ZSCAN5A: variants seen among roughly 807,000 people sequenced by gnomAD.
ZSCAN5A encodes zinc finger and SCAN domain-containing protein 5A.
In ZSCAN5A, 12 loss-of-function variants were observed where a neutral mutation model predicts 23.7. That is an observed-to-expected ratio of 0.51 (90% CI 0.32 to 0.82). The LOEUF is 0.82. ZSCAN5A is among the 40% of genes least tolerant of loss of function. ZSCAN5A has a pLI of 0.03. For synonymous variants in ZSCAN5A, 257 were observed against 239.9 expected (o/e 1.07, Z -0.66); for missense variants, 597 against 617.9 (o/e 0.97, Z 0.36).
At chr19:56,260,825 A>G (rs2037074376) in intron 2 of ZSCAN5A, among the ~76,000 whole-genome samples, 1 of 152,190 alleles carries the variant, frequency 6.6e-6, no homozygotes, top group Non-Finnish European at 1.5e-5. Flanking sequence ...TTTAATTTAT[A>G]AACATTTGGA....
At chr19:56,243,280 G>A (rs747996284) in intron 2 of ZSCAN5A, among the ~76,000 whole-genome samples, 1 of 152,192 alleles carries the variant, frequency 6.6e-6, no homozygotes, top group African/African-American at 2.4e-5. Context: ...AGACAATTCT[G>A]GAGCTAGACA....
At chr19:56,356,242 C>T (rs2041699706) in intron 2 of ZSCAN5A, among the ~76,000 whole-genome samples, 1 of 148,316 alleles carries the variant, frequency 6.7e-6, no homozygotes, top group Non-Finnish European at 1.5e-5. Flanking sequence ...GTAGGACTAG[C>T]GTCCAGGAAA....
intron 2 of ZSCAN5A, among the ~76,000 whole-genome samples, chr19:56,230,495 T>C (rs979007247): frequency 3.0e-4 from 45 of 152,300 alleles, no homozygotes; most frequent in African/African-American, 1.1e-3. Flanking sequence ...CTCACATAGA[T>C]ACCATGTTCT....
intron 2 of ZSCAN5A, among the ~76,000 whole-genome samples, chr19:56,251,889 T>A (rs1383958754): frequency 2.0e-5 from 3 of 152,132 alleles, no homozygotes; most frequent in Non-Finnish European, 2.9e-5. Context: ...ATTTTTAAAG[T>A]GTGGTAATAT....
chr19:56,343,519 C>G (rs1178253562), intron 2 of ZSCAN5A: 3 of 401,654 alleles, frequency 7.5e-6, no homozygotes, highest in Admixed American at 6.3e-5. Flanking sequence ...AGAAGCTGCT[C>G]TAAGTGTATT....
At chr19:56,361,893 C>T (rs975575016) in intron 2 of ZSCAN5A, among the ~76,000 whole-genome samples, 4 of 152,122 alleles carry the variant, frequency 2.6e-5, no homozygotes, top group Admixed American at 6.6e-5. Flanking sequence ...TGCGGTGGCT[C>T]ACACCTGTAA....
Position 56,314,823 on chromosome 19 carries a change from C to G in ZSCAN5A, c.-372G>C, listed in dbSNP as rs1027091301. ...GAGAGCGGGACGCCTGGATCGGGAACTTGTCGCATTCACATTGGCTGCTAG... is the reference window on the plus strand; with the variant it reads ...GAGAGCGGGACGCCTGGATCGGGAAGTTGTCGCATTCACATTGGCTGCTAG... On this transcript the variant is annotated 5_prime_UTR_variant, in exon 1 of 6. Coordinates refer to ENST00000683990, the MANE Select transcript of ZSCAN5A (RefSeq NM_001322064.3). The G allele has an allele frequency of 1.3e-5, 2 of 152,268 alleles. No individual in the cohort carries two copies. Among genetic ancestry groups the G allele is most frequent in the Non-Finnish European group, 2.9e-5 (2 of 68,086 alleles). 9.4% of individuals were successfully genotyped at this position (152,268 alleles called of 1,614,324 possible).
rs2041380327 is a variant in ZSCAN5A, at chr19:56,321,935, A to G, written c.-357-5667T>C. 7 of 781,204 alleles carry G rather than the reference A, an allele frequency of 9.0e-6. No homozygotes were observed. The Middle Eastern group carries it at 6.8e-4, about 76-fold the overall frequency. 48.4% of individuals were successfully genotyped at this position (781,204 alleles called of 1,614,324 possible). On this transcript the variant is annotated intron_variant, in intron 2 of 6. Coordinates refer to the ZSCAN5A transcript ENST00000587340. Reference sequence around the variant, plus strand: ...GTACTGCTCAATATCCAACTTCATCATGGCCTTCTGAAGATATCTCACACC... The same window carrying G: ...GTACTGCTCAATATCCAACTTCATCGTGGCCTTCTGAAGATATCTCACACC...
intron 2 of ZSCAN5A, among the ~76,000 whole-genome samples, chr19:56,261,548 G>T (rs144514544): frequency 1.3e-4 from 20 of 152,306 alleles, no homozygotes; most frequent in Admixed American, 2.6e-4. Flanking sequence ...ATAAAGCACA[G>T]ATAGCTGCCT....
In ZSCAN5A at chr19:56,300,041, G is replaced by A. The variant is rs2040128287; in HGVS notation, c.-128+13242C>T. 3 of 152,172 alleles carry A rather than the reference G, an allele frequency of 2.0e-5. No homozygotes were observed. The South Asian group carries it at 6.2e-4, about 32-fold the overall frequency. 9.4% of individuals were successfully genotyped at this position (152,172 alleles called of 1,614,324 possible). A position where few individuals can be genotyped will look rare whatever the true frequency, so the allele number is the denominator to read the frequency against. On this transcript the variant is annotated intron_variant, in intron 2 of 5. Transcript: ENST00000683990. The stretch of plus-strand genomic sequence containing the variant: ...CCTCATTTTTTATAGATGTGATTGT[G>A]TACCTTTGATTGGGAGGGTATATCT...
intron 2 of ZSCAN5A, chr19:56,322,398 T>G: frequency 1.5e-6 from 1 of 671,336 alleles, no homozygotes; most frequent in East Asian, 2.6e-5. Context: ...TCCCTAGGCC[T>G]ACAAATTTGT....
chr19:56,244,056 G>GC, intron 2 of ZSCAN5A: 1 of 1,019,096 alleles, frequency 9.8e-7, no homozygotes, highest in South Asian at 1.5e-5. Context: ...GCTGCAAATT[G>GC]CAACTCCTCA....
At chr19:56,305,806 C>T (rs1279996109) in intron 2 of ZSCAN5A, among the ~76,000 whole-genome samples, 1 of 152,048 alleles carries the variant, frequency 6.6e-6, no homozygotes, top group Non-Finnish European at 1.5e-5. Flanking sequence ...TGAAGGAAAG[C>T]CTCTTTAGGA....
At chr19:56,265,384 T>C (rs1313207717) in intron 2 of ZSCAN5A, among the ~76,000 whole-genome samples, 1 of 147,902 alleles carries the variant, frequency 6.8e-6, no homozygotes, top group Non-Finnish European at 1.5e-5. Context: ...TCTATGTAAG[T>C]GGTTAAAGCT....
upstream of ZSCAN5A, chr19:56,319,745 G>C (rs1444665125): frequency 8.4e-6 from 6 of 712,978 alleles, no homozygotes; most frequent in Non-Finnish European, 1.6e-5. Context: ...AACAAACACA[G>C]ATCTGCTCGG....
At chr19:56,348,044 G>A (rs1483458995) in intron 2 of ZSCAN5A, 3 of 152,282 alleles carry the variant, frequency 2.0e-5, no homozygotes, top group African/African-American at 7.2e-5. Flanking sequence ...ACTGGAGATG[G>A]AATTGCCCCC....
chr19:56,258,446 C>G (rs1245140148), intron 2 of ZSCAN5A, among the ~76,000 whole-genome samples: 1 of 136,856 alleles, frequency 7.3e-6, no homozygotes, highest in African/African-American at 3.2e-5. Context: ...TGGGTGTTGA[C>G]AGACACACCT....
chr19:56,253,515 T>C (rs189141807), intron 2 of ZSCAN5A, among the ~76,000 whole-genome samples: 1 of 152,236 alleles, frequency 6.6e-6, no homozygotes, highest in African/African-American at 2.4e-5. Context: ...GCCAGAAAGC[T>C]GAACACCTGG....
intron 2 of ZSCAN5A, among the ~76,000 whole-genome samples, chr19:56,254,414 TCTTTGTAG>T (rs1234223076): frequency 6.6e-6 from 1 of 152,146 alleles, no homozygotes; most frequent in Non-Finnish European, 1.5e-5. Flanking sequence ...TCAAATGAGG[TCTTTGTAG>T]CATGTGTCAC....
Sources: gnomAD v4.1 joint callset for allele counts (sites outside exome capture counted in the v4.1 genomes callset) on GRCh38, gnomAD v4.1.1 for gene constraint, MANE v1.5 for transcripts, NCBI Gene and HGNC (gene_info 2026-07-23, HGNC 2026-07-21) for gene names.